Variants in ZNF569 observed in about 807,000 individuals in gnomAD.
ZNF569 encodes DNA-binding protein.
A neutral mutation model predicts 56.3 loss-of-function variants in ZNF569; 38 were observed. The ratio of observed to expected loss-of-function variants is 0.68; its 90% CI spans 0.52 to 0.88. ZNF569 has a LOEUF of 0.88. Ranked by LOEUF, ZNF569 falls within the 40% of genes least tolerant of loss-of-function variation. The pLI is 0.00. For synonymous variants in ZNF569, 241 were observed against 262.9 expected (o/e 0.92, Z 0.81); for missense variants, 666 against 809.2 (o/e 0.82, Z 2.15).
chr19:37,457,278 T>C (rs181000447), intron 2 of ZNF569, among the ~76,000 whole-genome samples: 2 of 152,324 alleles, frequency 1.3e-5, no homozygotes, highest in African/African-American at 4.8e-5. Context: ...TTAAAACCAA[T>C]TTTAAAATAA....
rs1430921408 is a variant in ZNF569 at position 37,412,632 on chromosome 19, G to A, written c.2026C>T (p.His676Tyr). 2 of 1,608,370 alleles carry A rather than the reference G, an allele frequency of 1.2e-6. No individual in the cohort carries two copies. Among genetic ancestry groups the A allele is most frequent in the Admixed American group, 1.7e-5 (1 of 58,828 alleles). The part of the protein sequence containing the change: ...ECGKAFSQKS[H>Y]LVRHQRIHTH ...TGAATTCTCTGGTGTCTAACAAGGT[G>A]CGACTTTTGGCTGAAAGCCTTGCCA... is the stretch of plus-strand genomic sequence containing the variant. Residue 676 changes from histidine (H) to tyrosine (Y), a missense_variant, in exon 6 of 6, where the codon CAC becomes TAC. His to Tyr is a moderately conservative substitution (Grantham distance 83, BLOSUM62 2). Transcript: ENST00000316950.
chr19:37,421,232 A>G (rs971409504), intron 5 of ZNF569, among the ~76,000 whole-genome samples: 42 of 152,162 alleles, frequency 2.8e-4, no homozygotes, highest in African/African-American at 9.4e-4. Flanking sequence ...ACTGGCTCCA[A>G]CTTAAAGTCA....
chr19:37,450,148 C>G (rs2041568799), intron 2 of ZNF569, among the ~76,000 whole-genome samples: 2 of 152,184 alleles, frequency 1.3e-5, no homozygotes, highest in Non-Finnish European at 2.9e-5. Flanking sequence ...GCTTTGGTAT[C>G]AGGTTAATGC....
At chr19:37,451,399 G>GAAA (rs74174466) in intron 2 of ZNF569, among the ~76,000 whole-genome samples, 1 of 105,152 alleles carries the variant, frequency 9.5e-6, no homozygotes. Flanking sequence ...GACCCCATCT[G>GAAA]AAAAAAAAAA....
chr19:37,435,294 G>A (rs1003062782), intron 3 of ZNF569, among the ~76,000 whole-genome samples: 15 of 151,990 alleles, frequency 9.9e-5, no homozygotes, highest in Non-Finnish European at 1.9e-4. Flanking sequence ...AAGCCTCATG[G>A]CAACCTCAAA....
chr19:37,430,181 T>G, intron 3 of ZNF569, among the ~76,000 whole-genome samples: 1 of 137,582 alleles, frequency 7.3e-6, no homozygotes. Flanking sequence ...GGTGACAGAG[T>G]GAGACCCTAT....
chr19:37,413,336 T>C lies in ZNF569; in HGVS notation c.1322A>G (p.Asn441Ser). The C allele has an allele frequency of 6.2e-7, 1 of 1,607,326 alleles. No individual in the cohort carries two copies. The highest frequency in any genetic ancestry group is 8.5e-7 in the Non-Finnish European group (1 of 1,177,926). ...CTGTATAAAAGCTTTCCCACATTCA[T>C]TACACTCATAAGGTTTCTCTCTAGT... ...IHTREKPYEC[N>S]ECGKAFIQMS... Residue 441 changes from asparagine (N) to serine (S), a missense_variant, in exon 6 of 6, where the codon AAT (asparagine) becomes AGT (serine). By Grantham distance (46) the Asn-to-Ser change is conservative. Transcript: ENST00000316950.
intron 5 of ZNF569, among the ~76,000 whole-genome samples, chr19:37,416,266 C>CAAAAAAAAAAAAAAAAAAAA (rs945755043): frequency 9.0e-6 from 1 of 111,702 alleles, no homozygotes; most frequent in Non-Finnish European, 1.9e-5. Context: ...AACAAAAAAA[C>CAAAAAAAAAAAAAAAAAAAA]AAAAAAAAAA....
At chr19:37,438,715 G>A (rs1013884151) in intron 3 of ZNF569, among the ~76,000 whole-genome samples, 5 of 152,196 alleles carry the variant, frequency 3.3e-5, no homozygotes, top group East Asian at 3.9e-4. Flanking sequence ...GTAATATCCC[G>A]TAAGCACAGG....
At position 37,461,866 on chromosome 19, in the gene ZNF569, T is replaced by G. The variant is rs1252396698; in HGVS notation, c.-44+3447A>C. 2.0e-5 allele frequency among the ~76,000 whole-genome samples: 3 copies of G among 152,034 alleles called. No individual in the cohort carries two copies. The East Asian group carries it at 5.8e-4, about 29-fold the overall frequency. ...CCAACATTCTGGTTAAATCCAAATC[T>G]CCCCCTAGCCTGTCTGGCTGCAACT... On this transcript the variant is annotated intron_variant, in intron 2 of 5. Coordinates refer to ENST00000316950, the MANE Select transcript of ZNF569 (RefSeq NM_152484.3).
chr19:37,438,366 A>C (rs1234641959), intron 3 of ZNF569, among the ~76,000 whole-genome samples: 1 of 152,190 alleles, frequency 6.6e-6, no homozygotes, highest in African/African-American at 2.4e-5. Context: ...AGCCTGAGCA[A>C]GAGAGCAAGA....
At position 37,413,881 on chromosome 19, in the gene ZNF569, T is replaced by C. The variant is rs746727940; in HGVS notation, c.777A>G (p.Arg259=). 6.2e-7 allele frequency: 1 copy of C among 1,613,432 alleles called. No homozygotes were observed. Among genetic ancestry groups the C allele is most frequent in the East Asian group, 2.2e-5 (1 of 44,870 alleles). Residue 259 remains arginine, a synonymous_variant, in exon 6 of 6, where the codon AGA becomes AGG. Transcript: ENST00000316950. The part of the protein sequence containing the change: ...KAFIKMSNLI[R]HQRIHTGEKP... ...TCTCTCCAGTATGAATTCTTTGATGTCTAATGAGATTTGACATTTTAATGA... is the reference window on the plus strand; with the variant it reads ...TCTCTCCAGTATGAATTCTTTGATGCCTAATGAGATTTGACATTTTAATGA...
At chr19:37,423,860 G>A (rs111570674) in intron 5 of ZNF569, among the ~76,000 whole-genome samples, 1 of 152,068 alleles carries the variant, frequency 6.6e-6, no homozygotes, top group African/African-American at 2.4e-5. Flanking sequence ...GTTTGGCAAC[G>A]ATTTTTTTAA....
At chr19:37,461,792 A>C (rs186651149) in intron 2 of ZNF569, among the ~76,000 whole-genome samples, 1 of 152,254 alleles carries the variant, frequency 6.6e-6, no homozygotes, top group African/African-American at 2.4e-5. Context: ...TTGCCAACTT[A>C]AGACTCTTCT....
At chr19:37,417,670 G>T (rs1015185942) in intron 5 of ZNF569, among the ~76,000 whole-genome samples, 1 of 152,174 alleles carries the variant, frequency 6.6e-6, no homozygotes, top group Non-Finnish European at 1.5e-5. Flanking sequence ...GATGACATTC[G>T]TAAGTTAATA....
At chr19:37,432,845 A>T (rs541398557) in intron 3 of ZNF569, among the ~76,000 whole-genome samples, 12 of 152,284 alleles carry the variant, frequency 7.9e-5, no homozygotes, top group Non-Finnish European at 2.9e-5. Context: ...AATTCAAAAG[A>T]ATAGAGCCGA....
At chr19:37,466,982 G>C (rs574251818) in intron 1 of ZNF569, 102 bp downstream of exon 1, 1 of 152,734 alleles carries the variant, frequency 6.5e-6, no homozygotes, top group South Asian at 2.1e-4. Context: ...CGCCCCGCCC[G>C]GCGTCCTCCT....
At chr19:37,420,237 C>T (rs1055106462) in intron 5 of ZNF569, among the ~76,000 whole-genome samples, 1 of 152,004 alleles carries the variant, frequency 6.6e-6, no homozygotes, top group African/African-American at 2.4e-5. Context: ...ATCTGCCCAC[C>T]TCGGCCTCCC....
chr19:37,460,721 T>G (rs996239086), intron 2 of ZNF569, among the ~76,000 whole-genome samples: 22 of 149,980 alleles, frequency 1.5e-4, no homozygotes, highest in Admixed American at 1.1e-3. Context: ...CATCTGTGAA[T>G]AGTCACTGCA....
Sources: allele counts gnomAD v4.1 joint callset (sites outside exome capture counted in the v4.1 genomes callset), GRCh38; gene constraint gnomAD v4.1.1; transcripts MANE v1.5; gene names NCBI Gene and HGNC (gene_info 2026-07-23, HGNC 2026-07-21).